The following MEF2A variants were observed in gnomAD, a reference collection of about 807,000 sequenced individuals.
MEF2A encodes myocyte-specific enhancer factor 2A.
MEF2A carries 28 observed loss-of-function variants against 55.8 expected under a neutral mutation model. The ratio of observed to expected loss-of-function variants is 0.50; its 90% CI spans 0.37 to 0.69. The LOEUF (loss-of-function observed/expected upper bound fraction) is 0.69. MEF2A is among the 30% of genes least tolerant of loss of function. The pLI, the probability that MEF2A is intolerant of heterozygous loss-of-function variation, is 0.00. For missense variants in MEF2A, 528 were observed against 626.2 expected (o/e 0.84, Z 1.67); for synonymous variants, 239 against 227.1 (o/e 1.05, Z -0.47).
intron 2 of MEF2A, among the ~76,000 whole-genome samples, chr15:99,626,778 A>G (rs994281529): frequency 3.3e-5 from 5 of 152,302 alleles, no homozygotes; most frequent in African/African-American, 9.6e-5. Flanking sequence ...AATTCTGCAA[A>G]TATAGATTTG....
intron 2 of MEF2A, among the ~76,000 whole-genome samples, chr15:99,604,590 G>T (rs1974391032): frequency 6.7e-6 from 1 of 150,054 alleles, no homozygotes; most frequent in Non-Finnish European, 1.5e-5. Context: ...TATCATTTTT[G>T]AATCTCTTCA....
intron 4 of MEF2A, among the ~76,000 whole-genome samples, chr15:99,663,948 G>A (rs775541330): frequency 1.3e-4 from 20 of 152,136 alleles, no homozygotes; most frequent in Non-Finnish European, 2.1e-4. Flanking sequence ...CCAGAATTCT[G>A]TAAATGTTTC....
Position 99,683,686 on chromosome 15 carries a change from G to A in MEF2A, c.671-6555G>A, listed in dbSNP as rs111493458. Reference sequence around the variant, plus strand: ...CCCAAAGTGCTGGGATTATACTTGCGAGCCACCATGCCTGGGCCTTTTATT... The same window carrying A: ...CCCAAAGTGCTGGGATTATACTTGCAAGCCACCATGCCTGGGCCTTTTATT... On this transcript the variant is annotated intron_variant, in intron 7 of 11. Transcript: ENST00000557942. Among the ~76,000 whole-genome samples the A allele has an allele frequency of 6.6e-3, 973 of 147,084 alleles. 12 individuals carry two copies. Among genetic ancestry groups the A allele is most frequent in the African/African-American group, 0.023 (926 of 39,624 alleles).
chr15:99,654,565 A>T lies in MEF2A; in HGVS notation c.258+8801A>T, dbSNP rs180930946. Among the ~76,000 whole-genome samples, 8 of 143,308 alleles carry T rather than the reference A, an allele frequency of 5.6e-5. No individual in the cohort carries two copies. The East Asian group carries it at 1.4e-3, about 25-fold the overall frequency. 94.0% of individuals were successfully genotyped at this position (143,308 alleles called of 152,430 possible). ...AAAAATAAATAAATAAATAAATAAAAATAAATTAAAAAAAAAGGGGGGGGT... is the reference window on the plus strand; with the variant it reads ...AAAAATAAATAAATAAATAAATAAATATAAATTAAAAAAAAAGGGGGGGGT... On this transcript the variant is annotated intron_variant, in intron 4 of 11. Coordinates refer to ENST00000557942, the MANE Select transcript of MEF2A (RefSeq NM_001319206.4).
At chr15:99,621,907 G>A (rs2041249168) in intron 2 of MEF2A, among the ~76,000 whole-genome samples, 1 of 152,062 alleles carries the variant, frequency 6.6e-6, no homozygotes. Context: ...CATCAAAATG[G>A]GGTGTTCTGA....
At chr15:99,699,952 A>G (rs961726130) in intron 8 of MEF2A, among the ~76,000 whole-genome samples, 19 of 130,686 alleles carry the variant, frequency 1.5e-4, no homozygotes, top group South Asian at 8.3e-4. Context: ...AAGAGTTTAT[A>G]TGTGTGTGTG....
rs576471757 is a variant in MEF2A at position 99,583,059 on chromosome 15, C to T, written c.-224-15371C>T. Among the ~76,000 whole-genome samples the T allele has an allele frequency of 2.0e-4, 31 of 152,196 alleles. No homozygotes were observed. In the South Asian group the frequency reaches 3.1e-3, roughly 15 times the overall value. On this transcript the variant is annotated intron_variant, in intron 1 of 11. Coordinates refer to ENST00000557942, the MANE Select transcript of MEF2A (RefSeq NM_001319206.4). ...TCAAACTAATACTTTAGGAGTGTCA[C>T]GTTACTTGTAAGAGAACTCCCAAGT...
At chr15:99,642,189 T>C (rs2045135608) in intron 3 of MEF2A, among the ~76,000 whole-genome samples, 1 of 152,170 alleles carries the variant, frequency 6.6e-6, no homozygotes, top group Non-Finnish European at 1.5e-5. Flanking sequence ...CTTCTGACTT[T>C]GAATGTTGCC....
At chr15:99,711,005 C>G (rs562035118) in intron 11 of MEF2A, among the ~76,000 whole-genome samples, 18 of 152,292 alleles carry the variant, frequency 1.2e-4, no homozygotes, top group African/African-American at 3.9e-4. Context: ...TAGGGACATC[C>G]TGAGGTAGAG....
intron 7 of MEF2A, among the ~76,000 whole-genome samples, chr15:99,689,815 G>T (rs889643285): frequency 1.3e-5 from 2 of 152,152 alleles, no homozygotes; most frequent in African/African-American, 4.8e-5. Flanking sequence ...CTTTCAGCAG[G>T]TCCAAGGAGT....
intron 7 of MEF2A, among the ~76,000 whole-genome samples, chr15:99,679,416 CATGGATGA>C (rs1377545727): frequency 1.3e-5 from 2 of 152,172 alleles, no homozygotes; most frequent in Non-Finnish European, 2.9e-5. Context: ...CAGTTCTCAA[CATGGATGA>C]ATGTCACCAA....
chr15:99,589,872 A>C (rs1028184464), intron 1 of MEF2A, among the ~76,000 whole-genome samples: 2 of 151,998 alleles, frequency 1.3e-5, no homozygotes, highest in African/African-American at 4.8e-5. Flanking sequence ...TTTCTATGTC[A>C]TTTCAGTTCT....
intron 1 of MEF2A, among the ~76,000 whole-genome samples, chr15:99,596,685 G>T (rs896669285): frequency 5.3e-5 from 8 of 152,184 alleles, no homozygotes; most frequent in Non-Finnish European, 7.3e-5. Flanking sequence ...TATTGTGTTA[G>T]CATTATAATT....
At chr15:99,567,713 T>A (rs1216212893) in intron 1 of MEF2A, among the ~76,000 whole-genome samples, 1 of 150,990 alleles carries the variant, frequency 6.6e-6, no homozygotes, top group Non-Finnish European at 1.5e-5. Flanking sequence ...ATTACAACTT[T>A]TGTTTTAGGG....
chr15:99,647,990 G>T (rs1256232685), intron 4 of MEF2A, among the ~76,000 whole-genome samples: 5 of 152,124 alleles, frequency 3.3e-5, no homozygotes, highest in Admixed American at 3.3e-4. Flanking sequence ...ATCTTCACTA[G>T]TAGTGCAATT....
chr15:99,713,057 GT>G lies in MEF2A; in HGVS notation c.*289del, dbSNP rs2058836175. The stretch of plus-strand genomic sequence containing the variant: ...AGTCTGGCACTTCCTTGGACTACTT[GT>G]TTCGTAAAGATAACCAGTTTTTGCA... On this transcript the variant is annotated 3_prime_UTR_variant, in exon 12 of 12. Coordinates refer to ENST00000557942, the MANE Select transcript of MEF2A (RefSeq NM_001319206.4). 2.1e-6 allele frequency: 1 copy of G among 473,032 alleles called. No homozygotes were observed. Among genetic ancestry groups the G allele is most frequent in the Non-Finnish European group, 3.7e-6 (1 of 269,058 alleles). 29.3% of individuals were successfully genotyped at this position (473,032 alleles called of 1,614,324 possible). A position where few individuals can be genotyped will look rare whatever the true frequency, so the allele number is the denominator to read the frequency against.
intron 7 of MEF2A, chr15:99,678,796 T>C (rs971021871): frequency 1.8e-6 from 1 of 555,526 alleles, no homozygotes; most frequent in Non-Finnish European, 2.3e-6. Flanking sequence ...GGAAACTTTG[T>C]GAATCAAAAG....
At position 99,712,239 on chromosome 15, in the gene MEF2A, A is replaced by G; in HGVS notation, c.1137-151A>G. 1 of 1,315,890 alleles carries G rather than the reference A, an allele frequency of 7.6e-7. No individual in the cohort carries two copies. Among genetic ancestry groups the G allele is most frequent in the Non-Finnish European group, 1.0e-6 (1 of 995,246 alleles). The allele number at this position is 1,315,890 out of a possible 1,614,324, so 81.5% of individuals were successfully genotyped here. On this transcript the variant is annotated intron_variant, in intron 11 of 11. Transcript: ENST00000557942. This position sits in a 1 kb window ranked among gnomAD's most constrained non-coding sequence, Gnocchi z 4.1. ...GATGGGATTTCCTTTTGTGCCAAGC[A>G]CTGAAGGAAACGACCCAAACCAGTC...
chr15:99,631,380 A>G (rs556830303), intron 2 of MEF2A, among the ~76,000 whole-genome samples: 2 of 152,320 alleles, frequency 1.3e-5, no homozygotes, highest in African/African-American at 4.8e-5. Flanking sequence ...CCCACGAGTG[A>G]CTAGCCATCT....
Sources: allele counts gnomAD v4.1 joint callset (sites outside exome capture counted in the v4.1 genomes callset), GRCh38; gene constraint gnomAD v4.1.1; non-coding constraint Gnocchi (gnomAD v3.1); transcripts MANE v1.5; gene names NCBI Gene and HGNC (gene_info 2026-07-23, HGNC 2026-07-21).